Variants in DCLK1 observed in about 807,000 individuals in gnomAD.
DCLK1 encodes the protein serine/threonine-protein kinase DCLK1.
In DCLK1, 16 loss-of-function variants were observed where a neutral mutation model predicts 86.2. That is an observed-to-expected ratio of 0.19 (90% CI 0.13 to 0.28). DCLK1 has a LOEUF of 0.28. Among genes scored for constraint, DCLK1 ranks in the 10% least tolerant of loss-of-function variants. The pLI, the probability that DCLK1 is intolerant of heterozygous loss-of-function variation, is 1.00. For synonymous variants in DCLK1, 369 were observed against 370.5 expected, an observed-to-expected ratio of 1.00 and a Z score of 0.05; for missense variants, 590 against 940.2, an observed-to-expected ratio of 0.63 and a Z score of 4.87.
rs536232125 is a variant in DCLK1, at chr13:36,063,003, C to T, written c.723+48866G>A. Among the ~76,000 whole-genome samples the T allele has an allele frequency of 3.3e-5, 5 of 152,212 alleles. 1 individual carries two copies. Among genetic ancestry groups the T allele is most frequent in the African/African-American group, 1.2e-4 (5 of 41,528 alleles). On this transcript the variant is annotated intron_variant, in intron 3 of 16. Transcript: ENST00000360631. ...TTTGCGGATGTCTGTATCTGATGTC[C>T]TTTGGTTGCTTGCATGTAACATGCT...
intron 15 of DCLK1, among the ~76,000 whole-genome samples, chr13:35,804,210 A>C (rs746525204): frequency 1.3e-5 from 2 of 152,008 alleles, no homozygotes. Flanking sequence ...CACTCATTGC[A>C]GCCTCCGCCT....
chr13:35,937,516 A>C (rs1876831920), intron 4 of DCLK1, among the ~76,000 whole-genome samples: 1 of 152,136 alleles, frequency 6.6e-6, no homozygotes, highest in South Asian at 2.1e-4. Flanking sequence ...ATTGGGATCT[A>C]GCTAGGTGTG....
At chr13:35,905,813 T>C (rs1366887957) in intron 4 of DCLK1, among the ~76,000 whole-genome samples, 1 of 151,260 alleles carries the variant, frequency 6.6e-6, no homozygotes, top group Non-Finnish European at 1.5e-5. Flanking sequence ...CCAGGTGTGG[T>C]GGTGTGGGAC....
intron 4 of DCLK1, among the ~76,000 whole-genome samples, chr13:35,940,235 T>A (rs1972393): frequency 0.37 from 47,305 of 128,320 alleles, 10,724 homozygotes; most frequent in African/African-American, 0.62. Flanking sequence ...AAAAAAAAAA[T>A]AAGTTAGTAT....
Position 35,771,415 on chromosome 13 carries a change from T to TA in DCLK1, c.*3119dup, listed in dbSNP as rs1416890909. On this transcript the variant is annotated 3_prime_UTR_variant, in exon 17 of 17. Transcript: ENST00000360631. Reference sequence around the variant, plus strand: ...CACCACGTGTAAGTTAGATGAGGGCTACGGTAAAAACATTTTTGATGACTG... The same window carrying TA: ...CACCACGTGTAAGTTAGATGAGGGCTAACGGTAAAAACATTTTTGATGACTG... 1.3e-5 allele frequency: 2 copies of TA among 152,194 alleles called. No homozygotes were observed. Among genetic ancestry groups the TA allele is most frequent in the African/African-American group, 4.8e-5 (2 of 41,448 alleles). 9.4% of individuals were successfully genotyped at this position (152,194 alleles called of 1,614,324 possible). A position where few individuals can be genotyped will look rare whatever the true frequency, so the allele number is the denominator to read the frequency against.
rs1187500549 is a variant in DCLK1, at chr13:36,031,256, T to C, written c.723+80613A>G. ...TCAAACTGGATAATTCCATTTAGGC[T>C]AAAAAGTTTTAAGCACAAAAGAGTG... is the stretch of plus-strand genomic sequence containing the variant. On this transcript the variant is annotated intron_variant, in intron 3 of 16. Coordinates refer to ENST00000360631, the MANE Select transcript of DCLK1 (RefSeq NM_001330071.2). Among the ~76,000 whole-genome samples the C allele has an allele frequency of 4.0e-5, 6 of 150,740 alleles. No homozygotes were observed. The East Asian group carries it at 5.9e-4, about 15-fold the overall frequency.
chr13:35,808,442 T>C, intron 13 of DCLK1, 122 bp from the exon 14 acceptor site: 1 of 861,962 alleles, frequency 1.2e-6, no homozygotes, highest in South Asian at 1.5e-5. Flanking sequence ...ATGTGTATTT[T>C]TAATCGATTG....
chr13:35,808,362 A>G (rs778393842), intron 13 of DCLK1, 42 bp from the exon 14 acceptor site: 1 of 1,507,364 alleles, frequency 6.6e-7, no homozygotes, highest in Non-Finnish European at 9.2e-7. Flanking sequence ...GCACTAAGAT[A>G]TCAACTCAGT....
intron 4 of DCLK1, among the ~76,000 whole-genome samples, chr13:35,880,901 T>A (rs1234131885): frequency 6.6e-6 from 1 of 152,202 alleles, no homozygotes; most frequent in Non-Finnish European, 1.5e-5. Flanking sequence ...GTGTCTTCAG[T>A]GAGAGATTTG....
intron 3 of DCLK1, among the ~76,000 whole-genome samples, chr13:36,022,252 G>A (rs1881815985): frequency 6.6e-6 from 1 of 151,870 alleles, no homozygotes; most frequent in African/African-American, 2.4e-5. Flanking sequence ...AACACAAGCT[G>A]ATAAGATGCA....
intron 4 of DCLK1, among the ~76,000 whole-genome samples, chr13:35,902,468 T>C (rs1021013843): frequency 1.3e-5 from 2 of 152,022 alleles, no homozygotes; most frequent in Admixed American, 1.3e-4. Context: ...CTCTCCAAGA[T>C]AAAGGAAGGA....
chr13:36,021,993 T>C (rs1881804889), intron 3 of DCLK1, among the ~76,000 whole-genome samples: 1 of 152,050 alleles, frequency 6.6e-6, no homozygotes, highest in African/African-American at 2.4e-5. Context: ...ATAAACCATG[T>C]ATTAAGCCAT....
chr13:35,940,634 G>A (rs966302072), intron 4 of DCLK1, among the ~76,000 whole-genome samples: 3 of 152,140 alleles, frequency 2.0e-5, no homozygotes, highest in Non-Finnish European at 4.4e-5. Flanking sequence ...CAAGGGCTGG[G>A]ACTCCTGAAC....
intron 3 of DCLK1, among the ~76,000 whole-genome samples, chr13:36,064,767 G>A (rs1253606841): frequency 6.6e-6 from 1 of 150,966 alleles, no homozygotes; most frequent in Non-Finnish European, 1.5e-5. Flanking sequence ...GAAGAAGAAA[G>A]GTAATGAAAC....
intron 1 of DCLK1, among the ~76,000 whole-genome samples, chr13:36,129,795 G>A (rs973996473): frequency 1.3e-5 from 2 of 151,886 alleles, no homozygotes; most frequent in African/African-American, 4.8e-5. Flanking sequence ...AGGTAAGAAG[G>A]GCCACTGGCT....
intron 2 of DCLK1, among the ~76,000 whole-genome samples, chr13:36,115,319 A>T (rs1425246614): frequency 1.6e-5 from 2 of 122,362 alleles, no homozygotes; most frequent in African/African-American, 6.7e-5. Context: ...AATAAAAGTG[A>T]ATTTATCTTA....
At chr13:35,933,744 T>C (rs1876589101) in intron 4 of DCLK1, among the ~76,000 whole-genome samples, 1 of 152,186 alleles carries the variant, frequency 6.6e-6, no homozygotes, top group African/African-American at 2.4e-5. Context: ...TTTTTCCTCC[T>C]AGGCCTCCAG....
rs1256332048 is a variant in DCLK1 at position 35,769,258 on chromosome 13, T to A, written c.*5277A>T. 5.9e-5 allele frequency: 9 copies of A among 152,240 alleles called. No individual in the cohort carries two copies. Among genetic ancestry groups the A allele is most frequent in the Non-Finnish European group, 1.5e-5 (1 of 68,040 alleles). The allele number at this position is 152,240 out of a possible 1,614,324, so 9.4% of individuals were successfully genotyped here. ...GCCATCTGATCCATGCAGCAAGTGATAAATTCAGTATTTTCAAAAGAAATA... is the reference window on the plus strand; with the variant it reads ...GCCATCTGATCCATGCAGCAAGTGAAAAATTCAGTATTTTCAAAAGAAATA... On this transcript the variant is annotated 3_prime_UTR_variant, in exon 17 of 17. Transcript: ENST00000360631.
At chr13:35,934,369 A>T (rs1370867243) in intron 4 of DCLK1, among the ~76,000 whole-genome samples, 2 of 152,206 alleles carry the variant, frequency 1.3e-5, no homozygotes, top group African/African-American at 4.8e-5. Flanking sequence ...GCTGATGAAG[A>T]TATACCCGAG....
Sources: gnomAD v4.1 joint callset for allele counts (sites outside exome capture counted in the v4.1 genomes callset) on GRCh38, gnomAD v4.1.1 for gene constraint, MANE v1.5 for transcripts, NCBI Gene and HGNC (gene_info 2026-07-23, HGNC 2026-07-21) for gene names.